NAALADL2: variants seen among roughly 807,000 people sequenced by gnomAD.
NAALADL2 encodes the protein N-acetylated alpha-linked acidic dipeptidase like 2.
In NAALADL2, 76 loss-of-function variants were observed where a neutral mutation model predicts 87.2. The observed-to-expected ratio is 0.87, with a 90% CI of 0.72 to 1.05. The LOEUF is 1.05. Among genes scored for constraint, NAALADL2 ranks in the 50% least tolerant of loss-of-function variants. NAALADL2 has a pLI of 0.00. For missense variants in NAALADL2, 1,089 were observed against 945.8 expected (o/e 1.15, Z -1.99); for synonymous variants, 354 against 331.0 (o/e 1.07, Z -0.75).
At position 175,627,357 on chromosome 3, in the gene NAALADL2, T is replaced by C. The variant is rs769979954; in HGVS notation, c.1867T>C (p.Ser623Pro). 1.3e-6 allele frequency: 2 copies of C among 1,563,962 alleles called. 1 individual carries two copies. The highest frequency in any genetic ancestry group is 3.9e-4 in the Middle Eastern group (2 of 5,174). ...RATKIEEMDP[S>P]FNLHETITKL... ...AACAAAAATTGAAGAAATGGATCCCTCTTTCAACCTTCATGAAACCATTAC... is the reference window on the plus strand; with the variant it reads ...AACAAAAATTGAAGAAATGGATCCCCCTTTCAACCTTCATGAAACCATTAC... Residue 623 changes from serine (S) to proline (P), a missense_variant, in exon 11 of 14, where the codon TCT becomes CCT. Coordinates refer to ENST00000454872, the MANE Select transcript of NAALADL2 (RefSeq NM_207015.3).
At chr3:175,069,150 A>C (rs906375693) in intron 1 of NAALADL2, among the ~76,000 whole-genome samples, 2 of 150,582 alleles carry the variant, frequency 1.3e-5, no homozygotes, top group African/African-American at 2.5e-5. Context: ...CAAAAGCCAA[A>C]ATTGACAAAT....
In NAALADL2 at chr3:175,374,073, A is replaced by G. The variant is rs541748009; in HGVS notation, c.1090+49748A>G. Among the ~76,000 whole-genome samples, 7 of 152,148 alleles carry G rather than the reference A, an allele frequency of 4.6e-5. No homozygotes were observed. In the East Asian group the frequency reaches 1.4e-3, roughly 29 times the overall value. On this transcript the variant is annotated intron_variant, in intron 5 of 13. Coordinates refer to ENST00000454872, the MANE Select transcript of NAALADL2 (RefSeq NM_207015.3). ...TTTGTCAGATATACATATTGCATAT[A>G]TTTTCTACCAATTAGTGGCCTGAAT...
intron 1 of NAALADL2, among the ~76,000 whole-genome samples, chr3:174,988,743 C>T (rs1746317654): frequency 6.6e-6 from 1 of 152,148 alleles, no homozygotes; most frequent in East Asian, 1.9e-4. Flanking sequence ...AATGTCCCCT[C>T]CTTATAAGAA....
chr3:175,757,387 G>C (rs1311859421), intron 13 of NAALADL2, among the ~76,000 whole-genome samples: 1 of 151,974 alleles, frequency 6.6e-6, no homozygotes, highest in Admixed American at 6.6e-5. Flanking sequence ...GAGGTTTAAG[G>C]TGCCCATTAG....
At chr3:175,796,258 C>T (rs1190373179) in intron 13 of NAALADL2, among the ~76,000 whole-genome samples, 1 of 152,006 alleles carries the variant, frequency 6.6e-6, no homozygotes, top group Non-Finnish European at 1.5e-5. Flanking sequence ...GGTCAAGGCC[C>T]AAACCAAATT....
intron 1 of NAALADL2, among the ~76,000 whole-genome samples, chr3:174,954,707 T>C (rs1458250299): frequency 1.3e-5 from 2 of 152,064 alleles, no homozygotes; most frequent in Non-Finnish European, 2.9e-5. Context: ...CGATAGAGAA[T>C]GTTAAATAAT....
chr3:174,932,650 G>A (rs1024118715), intron 1 of NAALADL2, among the ~76,000 whole-genome samples: 1 of 152,112 alleles, frequency 6.6e-6, no homozygotes, highest in Non-Finnish European at 1.5e-5. Context: ...ATGCTCCGTT[G>A]CAATGGTCTG....
In NAALADL2 at chr3:175,684,917, G is replaced by T. The variant is rs540369241; in HGVS notation, c.1897-52389G>T. 8.7e-4 allele frequency among the ~76,000 whole-genome samples: 133 copies of T among 152,266 alleles called. 1 individual carries two copies. Among genetic ancestry groups the T allele is most frequent in the African/African-American group, 3.1e-3 (130 of 41,560 alleles). ...TTCCTGTACTACACTATAGATTTTT[G>T]AAAGAGCTTGTAGTTAAAATCTAAT... On this transcript the variant is annotated intron_variant, in intron 11 of 13. Coordinates refer to ENST00000454872, the MANE Select transcript of NAALADL2 (RefSeq NM_207015.3).
At chr3:175,192,028 C>A (rs1466117115) in intron 2 of NAALADL2, among the ~76,000 whole-genome samples, 2 of 152,032 alleles carry the variant, frequency 1.3e-5, no homozygotes, top group African/African-American at 4.8e-5. Context: ...TGGCAGTTAG[C>A]TATATAATTG....
At position 174,957,268 on chromosome 3, in the gene NAALADL2, G is replaced by C. The variant is rs548359994; in HGVS notation, c.43+97818G>C. Among the ~76,000 whole-genome samples, 8 of 152,022 alleles carry C rather than the reference G, an allele frequency of 5.3e-5. No individual in the cohort carries two copies. In the East Asian group the frequency reaches 1.6e-3, roughly 30 times the overall value. ...TCATTCTTTTTCTCACCTCCCTACT[G>C]CAAGAAGGGGAGACAGCACAATGAG... is the stretch of plus-strand genomic sequence containing the variant. On this transcript the variant is annotated intron_variant, in intron 1 of 13. Transcript: ENST00000454872.
chr3:174,619,424 ATC>A (rs1720786685), intron 2 of NAALADL2, among the ~76,000 whole-genome samples: 1 of 151,882 alleles, frequency 6.6e-6, no homozygotes, highest in African/African-American at 2.4e-5. Flanking sequence ...TATGCCAACA[ATC>A]TCCCTAGAGT....
At chr3:174,860,457 T>G (rs367665932) in intron 1 of NAALADL2, among the ~76,000 whole-genome samples, 1 of 152,092 alleles carries the variant, frequency 6.6e-6, no homozygotes, top group East Asian at 1.9e-4. Flanking sequence ...AAAGGCTCAT[T>G]TAGCATAATG....
intron 1 of NAALADL2, among the ~76,000 whole-genome samples, chr3:174,530,670 T>A (rs1300680240): frequency 6.6e-6 from 1 of 152,074 alleles, no homozygotes; most frequent in Non-Finnish European, 1.5e-5. Flanking sequence ...GAAGAGAGCT[T>A]GTGTAGGGAA....
chr3:175,410,827 C>T (rs1447209152), intron 5 of NAALADL2, among the ~76,000 whole-genome samples: 2 of 152,064 alleles, frequency 1.3e-5, no homozygotes, highest in East Asian at 1.9e-4. Flanking sequence ...GCATAGGTTA[C>T]GATGCTGTGA....
At chr3:174,861,593 A>G (rs1436510864) in intron 1 of NAALADL2, among the ~76,000 whole-genome samples, 1 of 152,122 alleles carries the variant, frequency 6.6e-6, no homozygotes, top group African/African-American at 2.4e-5. Context: ...TATATTAAAC[A>G]TGTGGATGAC....
At chr3:174,909,425 AC>A (rs1733395909) in intron 1 of NAALADL2, among the ~76,000 whole-genome samples, 1 of 152,070 alleles carries the variant, frequency 6.6e-6, no homozygotes, top group Non-Finnish European at 1.5e-5. Flanking sequence ...CTCTATACAC[AC>A]CAGACACTTG....
chr3:174,534,854 G>GT (rs1721587589), intron 1 of NAALADL2, among the ~76,000 whole-genome samples: 1 of 152,102 alleles, frequency 6.6e-6, no homozygotes, highest in African/African-American at 2.4e-5. Context: ...AGCCGACAGT[G>GT]TTTTTTGGAG....
At chr3:175,057,981 T>G (rs1263025918) in intron 1 of NAALADL2, among the ~76,000 whole-genome samples, 2 of 152,242 alleles carry the variant, frequency 1.3e-5, no homozygotes, top group Non-Finnish European at 2.9e-5. Context: ...AATTACTCTA[T>G]GTACCATAAT....
At chr3:174,845,382 T>C (rs1419734447) in intron 3 of NAALADL2, among the ~76,000 whole-genome samples, 1 of 152,168 alleles carries the variant, frequency 6.6e-6, no homozygotes, top group Non-Finnish European at 1.5e-5. Context: ...TCAGTCCTGC[T>C]GTCAGGACAA....
Sources: allele counts gnomAD v4.1 joint callset (sites outside exome capture counted in the v4.1 genomes callset), GRCh38; gene constraint gnomAD v4.1.1; transcripts MANE v1.5; gene names NCBI Gene and HGNC (gene_info 2026-07-23, HGNC 2026-07-21).